The following TRAPPC9 variants were observed in gnomAD, a reference collection of about 807,000 sequenced individuals.
TRAPPC9 encodes IKK2 binding protein.
A neutral mutation model predicts 124.0 loss-of-function variants in TRAPPC9; 83 were observed. The observed-to-expected ratio is 0.67, with a 90% CI of 0.56 to 0.80. The LOEUF (loss-of-function observed/expected upper bound fraction) is 0.80, where lower values mean the gene tolerates loss of function less well. TRAPPC9 is among the 30% of genes least tolerant of loss of function. TRAPPC9 has a pLI of 0.00. For missense variants in TRAPPC9, 1,302 were observed against 1,508.3 expected (o/e 0.86, Z 2.27); for synonymous variants, 638 against 617.5 (o/e 1.03, Z -0.49).
chr8:140,308,775 G>A, intron 10 of TRAPPC9, among the ~76,000 whole-genome samples: 1 of 152,094 alleles, frequency 6.6e-6, no homozygotes, highest in Non-Finnish European at 1.5e-5. Context: ...CAGCTACTCA[G>A]GAGGCTGAGG....
In TRAPPC9 at chr8:140,216,210, C is replaced by A. The variant is rs1054752067; in HGVS notation, c.2556+5249G>T. 2.6e-5 allele frequency among the ~76,000 whole-genome samples: 4 copies of A among 152,144 alleles called. No individual in the cohort carries two copies. Among genetic ancestry groups the A allele is most frequent in the African/African-American group, 7.2e-5 (3 of 41,436 alleles). ...TCAAGGGAATCCAAAAGGACAATTT[C>A]GATGCAAGTGCCTGATATGCAAGAG... On this transcript the variant is annotated intron_variant, in intron 17 of 22. Coordinates refer to ENST00000438773, the MANE Select transcript of TRAPPC9 (RefSeq NM_001160372.4). The surrounding 1 kb of genome is among the most constrained non-coding windows in gnomAD (Gnocchi z 4.1).
At chr8:140,079,724 G>A (rs1185835531) in intron 17 of TRAPPC9, among the ~76,000 whole-genome samples, 1 of 152,196 alleles carries the variant, frequency 6.6e-6, no homozygotes, top group Non-Finnish European at 1.5e-5. Flanking sequence ...GAGGTCAGGA[G>A]TTTGAGACCA....
intron 19 of TRAPPC9, among the ~76,000 whole-genome samples, chr8:139,940,952 AT>A (rs1484914954): frequency 1.3e-5 from 2 of 152,218 alleles, no homozygotes; most frequent in African/African-American, 4.8e-5. Flanking sequence ...AGTAAAGTGC[AT>A]AAGCCGGGCA....
chr8:139,814,499 G>C (rs1246606243), intron 21 of TRAPPC9, among the ~76,000 whole-genome samples: 1 of 152,098 alleles, frequency 6.6e-6, no homozygotes, highest in Non-Finnish European at 1.5e-5. Flanking sequence ...TAAAGGACAG[G>C]ACAGTGAATC....
At chr8:140,058,609 G>A (rs1842418258) in intron 17 of TRAPPC9, among the ~76,000 whole-genome samples, 1 of 152,220 alleles carries the variant, frequency 6.6e-6, no homozygotes, top group African/African-American at 2.4e-5. Flanking sequence ...GCTGGGCAGG[G>A]AGCATCCTGA....
upstream of TRAPPC9, chr8:140,458,537 C>A (rs868391140): frequency 4.4e-6 from 7 of 1,582,358 alleles, no homozygotes; most frequent in Non-Finnish European, 6.0e-6. Context: ...CTGTGTGGCG[C>A]GCGGTCTTGA....
chr8:139,790,791 T>C (rs1822606689), intron 21 of TRAPPC9, among the ~76,000 whole-genome samples: 2 of 152,082 alleles, frequency 1.3e-5, no homozygotes, highest in South Asian at 2.1e-4. Flanking sequence ...ATCCCCAGCA[T>C]TGGAGGTGGG....
At chr8:139,858,845 C>T (rs987833557) in intron 21 of TRAPPC9, among the ~76,000 whole-genome samples, 6 of 151,442 alleles carry the variant, frequency 4.0e-5, no homozygotes, top group African/African-American at 1.5e-4. Flanking sequence ...AGTCTGCACA[C>T]CCTCCCCACC....
intron 14 of TRAPPC9, among the ~76,000 whole-genome samples, chr8:140,278,523 G>A (rs907362733): frequency 2.6e-5 from 4 of 152,216 alleles, no homozygotes; most frequent in African/African-American, 9.6e-5. Context: ...TTGAACCACT[G>A]TGCGACACAG....
rs1563804370 is a variant in TRAPPC9, at chr8:140,157,064, CTTTCCATTCAAAAGCCTCCCT to C, written c.2556+64374_2556+64394del. Reference sequence around the variant, plus strand: ...CTCCCTTTTCCATTCAAAAGCCTCCCTTTCCATTCAAAAGCCTCCCTTTTCCATTCAGAAGCCTCCCTTTCC... The same window carrying C: ...CTCCCTTTTCCATTCAAAAGCCTCCCTTTCCATTCAGAAGCCTCCCTTTCC... On this transcript the variant is annotated intron_variant, in intron 17 of 22. Coordinates refer to ENST00000438773, the MANE Select transcript of TRAPPC9 (RefSeq NM_001160372.4). 4.9e-3 allele frequency among the ~76,000 whole-genome samples: 268 copies of C among 54,218 alleles called. 31 individuals are homozygous for C. In the East Asian group the frequency reaches 0.063, roughly 13 times the overall value. 35.6% of individuals were successfully genotyped at this position (54,218 alleles called of 152,430 possible). A position where few individuals can be genotyped will look rare whatever the true frequency, so the allele number is the denominator to read the frequency against.
intron 9 of TRAPPC9, among the ~76,000 whole-genome samples, chr8:140,319,172 CT>C (rs35283714): frequency 0.022 from 2,649 of 118,506 alleles, 40 homozygotes; most frequent in African/African-American, 0.073. Flanking sequence ...TTATTTTGAA[CT>C]TTTTTTTTTT....
At chr8:139,835,071 C>T (rs1028192053) in intron 21 of TRAPPC9, among the ~76,000 whole-genome samples, 1 of 152,202 alleles carries the variant, frequency 6.6e-6, no homozygotes, top group Non-Finnish European at 1.5e-5. Context: ...GCATCAGACT[C>T]GTTGGCAGGT....
At chr8:140,366,554 A>G (rs2132215817) in intron 8 of TRAPPC9, among the ~76,000 whole-genome samples, 1 of 152,286 alleles carries the variant, frequency 6.6e-6, no homozygotes, top group South Asian at 2.1e-4. Context: ...CAGACCTCAC[A>G]CTCTTCACAA....
chr8:139,959,960 T>C (rs906241526), intron 19 of TRAPPC9, among the ~76,000 whole-genome samples: 1 of 152,104 alleles, frequency 6.6e-6, no homozygotes, highest in Admixed American at 6.6e-5. Flanking sequence ...CTGTGGGCGA[T>C]GGAGGAAGGA....
chr8:139,907,305 G>C lies in TRAPPC9; in HGVS notation c.2964+2842C>G, dbSNP rs1308937939. Among the ~76,000 whole-genome samples the C allele has an allele frequency of 6.6e-6, 1 of 152,160 alleles. No homozygotes were observed. The highest frequency in any genetic ancestry group is 1.5e-5 in the Non-Finnish European group (1 of 68,038). ...ATCCAGACCCATGCGCTACAGGTGGGCAACTGCTACAACTATGGACGGGTA... is the reference window on the plus strand; with the variant it reads ...ATCCAGACCCATGCGCTACAGGTGGCCAACTGCTACAACTATGGACGGGTA... On this transcript the variant is annotated intron_variant, in intron 20 of 22. Transcript: ENST00000438773. The surrounding 1 kb of genome is among the most constrained non-coding windows in gnomAD (Gnocchi z 4.7).
chr8:140,411,166 C>T (rs892179519), intron 5 of TRAPPC9, among the ~76,000 whole-genome samples: 1 of 152,108 alleles, frequency 6.6e-6, no homozygotes, highest in African/African-American at 2.4e-5. Flanking sequence ...ATGAACTTGA[C>T]ATAACAGTAG....
chr8:139,928,962 GCC>G (rs1053369874), intron 19 of TRAPPC9, among the ~76,000 whole-genome samples: 3 of 151,650 alleles, frequency 2.0e-5, no homozygotes, highest in Non-Finnish European at 2.9e-5. Context: ...CAAGCATCAC[GCC>G]CCTCGATGTT....
chr8:139,974,302 G>C (rs7004991), intron 19 of TRAPPC9, among the ~76,000 whole-genome samples: 1 of 152,100 alleles, frequency 6.6e-6, no homozygotes, highest in Non-Finnish European at 1.5e-5. Context: ...ATCTCAGAGC[G>C]TGGATGTACA....
chr8:139,943,083 T>C (rs6985463), intron 19 of TRAPPC9, among the ~76,000 whole-genome samples: 24,729 of 152,236 alleles, frequency 0.16, 2,219 homozygotes, highest in South Asian at 0.24. Context: ...CTTTTTTAAA[T>C]TGAGACAGAG....
Sources: gnomAD v4.1 joint callset for allele counts (sites outside exome capture counted in the v4.1 genomes callset) on GRCh38, gnomAD v4.1.1 for gene constraint, Gnocchi (gnomAD v3.1) non-coding constraint, MANE v1.5 for transcripts, NCBI Gene and HGNC (gene_info 2026-07-23, HGNC 2026-07-21) for gene names.